The following SEMA3A variants were observed in gnomAD, a reference collection of about 807,000 sequenced individuals.
The protein encoded by SEMA3A is semaphorin 3A, also known as semaphorin-3A.
Under a neutral mutation model 97.9 loss-of-function variants are expected in SEMA3A, and 29 were observed. That is an observed-to-expected ratio of 0.30 (90% CI 0.22 to 0.40). SEMA3A has a LOEUF of 0.40. Ranked by LOEUF, SEMA3A falls within the 10% of genes least tolerant of loss-of-function variation. The probability of loss-of-function intolerance (pLI) is 1.00; values close to 1 mark genes in which losing one functional copy is unlikely to be tolerated. For synonymous variants in SEMA3A, 321 were observed against 323.7 expected (o/e 0.99, Z 0.09); for missense variants, 763 against 951.3 (o/e 0.80, Z 2.60).
At chr7:84,129,038 A>T (rs1321045385) in intron 3 of SEMA3A, 85 bp downstream of exon 3, 25 of 1,053,870 alleles carry the variant, frequency 2.4e-5, no homozygotes, top group Admixed American at 8.8e-5. Context: ...ACACAAAAAA[A>T]TCAGAAATTT....
chr7:84,083,918 C>G (rs1250043588), intron 4 of SEMA3A, among the ~76,000 whole-genome samples: 1 of 151,936 alleles, frequency 6.6e-6, no homozygotes, highest in Non-Finnish European at 1.5e-5. Flanking sequence ...TTATTATAAG[C>G]TCATAGTTAA....
chr7:84,008,410 G>T (rs1211552647), intron 9 of SEMA3A, among the ~76,000 whole-genome samples: 1 of 150,620 alleles, frequency 6.6e-6, no homozygotes, highest in East Asian at 2.0e-4. Flanking sequence ...AGAATGGTGT[G>T]AGCCGGCGAG....
chr7:84,209,250 G>A (rs1425575748), intron 3 of SEMA3A, among the ~76,000 whole-genome samples: 1 of 152,172 alleles, frequency 6.6e-6, no homozygotes, highest in Non-Finnish European at 1.5e-5. Context: ...AGTGATCCAA[G>A]TAGGAATGAC....
intron 4 of SEMA3A, among the ~76,000 whole-genome samples, chr7:84,086,553 ATATAT>A (rs1295966090): frequency 0.015 from 1,602 of 106,206 alleles, 40 homozygotes; most frequent in African/African-American, 0.045. Context: ...TTTACATATA[ATATAT>A]TATTATATTA....
intron 3 of SEMA3A, among the ~76,000 whole-genome samples, chr7:84,304,582 T>C (rs1325047575): frequency 6.6e-6 from 1 of 152,056 alleles, no homozygotes; most frequent in Non-Finnish European, 1.5e-5. Flanking sequence ...AATATTTAGA[T>C]AAGTTAAGCA....
At chr7:84,184,017 G>A (rs1797805568) in intron 1 of SEMA3A, among the ~76,000 whole-genome samples, 1 of 152,102 alleles carries the variant, frequency 6.6e-6, no homozygotes, top group Non-Finnish European at 1.5e-5. Context: ...ATGTGCTGAT[G>A]TTTATATAGT....
At chr7:84,057,399 T>C (rs1450268657) in intron 5 of SEMA3A, among the ~76,000 whole-genome samples, 2 of 152,200 alleles carry the variant, frequency 1.3e-5, no homozygotes, top group African/African-American at 2.4e-5. Context: ...AGGTGAGTAA[T>C]TGCTATCTTT....
At chr7:84,488,150 A>G (rs1407364202) in intron 1 of SEMA3A, among the ~76,000 whole-genome samples, 2 of 152,072 alleles carry the variant, frequency 1.3e-5, no homozygotes, top group Non-Finnish European at 2.9e-5. Context: ...TTTTTGTCAT[A>G]AATATTTTGT....
At chr7:84,241,641 A>G (rs1169206592) in intron 3 of SEMA3A, among the ~76,000 whole-genome samples, 1 of 151,890 alleles carries the variant, frequency 6.6e-6, no homozygotes, top group African/African-American at 2.4e-5. Flanking sequence ...ATTAGATCCC[A>G]TTTGTCCATT....
At chr7:84,313,853 T>C (rs1269799501) in intron 2 of SEMA3A, among the ~76,000 whole-genome samples, 1 of 152,004 alleles carries the variant, frequency 6.6e-6, no homozygotes, top group African/African-American at 2.4e-5. Flanking sequence ...ATCAAGTTAA[T>C]TACTTAGTTT....
At chr7:84,031,441 C>G (rs1412172753) in intron 6 of SEMA3A, among the ~76,000 whole-genome samples, 1 of 152,124 alleles carries the variant, frequency 6.6e-6, no homozygotes, top group Non-Finnish European at 1.5e-5. Context: ...CAAAGATAAA[C>G]TGATTGACAA....
intron 1 of SEMA3A, among the ~76,000 whole-genome samples, chr7:84,163,698 G>T (rs1178855624): frequency 6.6e-6 from 1 of 151,902 alleles, no homozygotes; most frequent in Non-Finnish European, 1.5e-5. Context: ...ATGAATTCAG[G>T]TTGACCAATA....
At chr7:84,378,554 T>C (rs2116129583) in intron 1 of SEMA3A, among the ~76,000 whole-genome samples, 1 of 152,080 alleles carries the variant, frequency 6.6e-6, no homozygotes. Flanking sequence ...ACTGGGGCCT[T>C]TCGGGGTGTT....
chr7:84,297,064 G>A (rs962633408), intron 3 of SEMA3A, among the ~76,000 whole-genome samples: 7 of 152,036 alleles, frequency 4.6e-5, no homozygotes, highest in Non-Finnish European at 7.4e-5. Flanking sequence ...TGCAACATCC[G>A]CCTCCCAGGT....
At chr7:84,358,144 G>A (rs1802616825) in intron 2 of SEMA3A, among the ~76,000 whole-genome samples, 1 of 152,122 alleles carries the variant, frequency 6.6e-6, no homozygotes, top group Admixed American at 6.6e-5. Context: ...AGTTTAATTT[G>A]ATCCCATTTG....
At chr7:84,232,432 C>A (rs1213426921) in intron 3 of SEMA3A, among the ~76,000 whole-genome samples, 1 of 150,966 alleles carries the variant, frequency 6.6e-6, no homozygotes, top group African/African-American at 2.4e-5. Context: ...ATCTCTCTCT[C>A]TCTCTCTCTC....
At chr7:84,358,582 C>T (rs1385574987) in intron 2 of SEMA3A, among the ~76,000 whole-genome samples, 1 of 152,104 alleles carries the variant, frequency 6.6e-6, no homozygotes, top group Non-Finnish European at 1.5e-5. Flanking sequence ...ATGCCTCCAG[C>T]TTTGTTCTTT....
chr7:84,471,939 T>G (rs901314027), intron 1 of SEMA3A, among the ~76,000 whole-genome samples: 65 of 151,966 alleles, frequency 4.3e-4, no homozygotes, highest in African/African-American at 1.4e-3. Flanking sequence ...TTTTTTTTTC[T>G]TTTGGTATCT....
At chr7:84,195,126 C>T (rs73709592), upstream of SEMA3A, 8,365 of 152,138 alleles carry the variant, frequency 0.055, 313 homozygotes, top group Middle Eastern at 0.065. Flanking sequence ...GACAGGTTTC[C>T]CCAACACTCA....
Sources: gnomAD v4.1 joint callset for allele counts (sites outside exome capture counted in the v4.1 genomes callset) on GRCh38, gnomAD v4.1.1 for gene constraint, MANE v1.5 for transcripts, NCBI Gene and HGNC (gene_info 2026-07-23, HGNC 2026-07-21) for gene names.